FARP1: variants seen among roughly 807,000 people sequenced by gnomAD.
FARP1 encodes FERM, ARH/RhoGEF and pleckstrin domain protein 1, also known as FERM, ARHGEF and pleckstrin domain-containing protein 1.
In FARP1, 52 loss-of-function variants were observed where a neutral mutation model predicts 128.8. That is an observed-to-expected ratio of 0.40 (90% CI 0.32 to 0.51). The LOEUF is 0.51. FARP1 is among the 20% of genes least tolerant of loss of function. FARP1 has a pLI of 0.45. For missense variants in FARP1, 1,333 were observed against 1,367.9 expected, an observed-to-expected ratio of 0.97 and a Z score of 0.40; for synonymous variants, 580 against 551.8, an observed-to-expected ratio of 1.05 and a Z score of -0.72.
chr13:98,344,399 G>A (rs1457976452), intron 3 of FARP1, among the ~76,000 whole-genome samples: 1 of 152,142 alleles, frequency 6.6e-6, no homozygotes, highest in Non-Finnish European at 1.5e-5. Context: ...GAGTGGCTCA[G>A]TTTTCCAGCT....
At chr13:98,245,032 G>A in intron 2 of FARP1, 1 of 1,072,048 alleles carries the variant, frequency 9.3e-7, no homozygotes, top group Non-Finnish European at 1.1e-6. Flanking sequence ...TTAGACCAAA[G>A]AGAGGGATTT....
chr13:98,255,972 C>T (rs73555086), intron 2 of FARP1, among the ~76,000 whole-genome samples: 3,886 of 152,298 alleles, frequency 0.026, 164 homozygotes, highest in African/African-American at 0.089. Flanking sequence ...ACATTAGAAA[C>T]ACCAGTAAAC....
At chr13:98,236,060 G>C (rs1343261532) in intron 2 of FARP1, among the ~76,000 whole-genome samples, 1 of 152,140 alleles carries the variant, frequency 6.6e-6, no homozygotes, top group East Asian at 1.9e-4. Context: ...CCGACCTCAG[G>C]TGATCTGCCC....
At chr13:98,265,887 A>G (rs1884090500) in intron 2 of FARP1, among the ~76,000 whole-genome samples, 1 of 152,130 alleles carries the variant, frequency 6.6e-6, no homozygotes, top group African/African-American at 2.4e-5. Context: ...TCCATATGTC[A>G]AGCTGCATGT....
intron 2 of FARP1, among the ~76,000 whole-genome samples, chr13:98,240,740 A>G (rs1882719236): frequency 6.6e-6 from 1 of 152,232 alleles, no homozygotes; most frequent in East Asian, 1.9e-4. Context: ...CATACTGACA[A>G]ATAACACCTG....
In FARP1 at chr13:98,244,473, G is replaced by A. The variant is rs532734044; in HGVS notation, c.171+31060G>A. On this transcript the variant is annotated intron_variant, in intron 2 of 26. Transcript: ENST00000319562. ...GCGCCTTTTCAAGGGAGTAGCATTT[G>A]CTCTCCTCTCTTCCCAGATGGTGTC... 29 of 1,610,366 alleles carry A rather than the reference G, an allele frequency of 1.8e-5. 1 individual carries two copies. In the South Asian group the frequency reaches 3.1e-4, roughly 17 times the overall value.
At chr13:98,234,086 A>C (rs553404207) in intron 2 of FARP1, 14 of 152,370 alleles carry the variant, frequency 9.2e-5, no homozygotes, top group Admixed American at 6.5e-4. Flanking sequence ...GGACTGACTG[A>C]GCGTCAGCAT....
chr13:98,431,067 C>T lies in FARP1; in HGVS notation c.1930C>T (p.His644Tyr), dbSNP rs61730892. 0.038 allele frequency: 61,912 copies of T among 1,613,484 alleles called. 1,409 individuals are homozygous for T. Among genetic ancestry groups the T allele is most frequent in the Non-Finnish European group, 0.043 (50,854 of 1,179,472 alleles). The change falls in exon 18 of 27, where the codon CAC becomes TAC. Residue 644 changes from histidine (H) to tyrosine (Y), a missense_variant. By Grantham distance (83) the His-to-Tyr change is moderately conservative. This residue lies in a region of FARP1 where 1,009 missense variants were observed against 969.8 expected (regional missense o/e 1.04). Transcript: ENST00000319562. ...MKHLAAHLWK[H>Y]SEALEALENG... ...GCACCTGGCGGCTCACCTGTGGAAG[C>T]ACAGCGAGGCCTTGGAGGCCCTGGA...
chr13:98,315,353 C>A (rs1886674417), intron 2 of FARP1, among the ~76,000 whole-genome samples: 1 of 152,134 alleles, frequency 6.6e-6, no homozygotes, highest in Non-Finnish European at 1.5e-5. Context: ...CAATGCCCCG[C>A]CTCTGCCTCC....
chr13:98,307,845 CTT>C (rs1227135852), intron 2 of FARP1, among the ~76,000 whole-genome samples: 1 of 151,986 alleles, frequency 6.6e-6, no homozygotes, highest in Non-Finnish European at 1.5e-5. Context: ...TAATGTTACT[CTT>C]TTGGAAAAAA....
At chr13:98,153,286 AAATATATATAAATATAT>A (rs1876151610) in intron 1 of FARP1, among the ~76,000 whole-genome samples, 3 of 16,716 alleles carry the variant, frequency 1.8e-4, no homozygotes, top group Non-Finnish European at 6.5e-4. Flanking sequence ...TATATATATA[AAATATATATAAATATAT>A]TTATATATAA....
At chr13:98,359,972 T>C (rs1438310053) in intron 3 of FARP1, among the ~76,000 whole-genome samples, 2 of 152,146 alleles carry the variant, frequency 1.3e-5, no homozygotes, top group African/African-American at 4.8e-5. Context: ...AAGGCGGTAT[T>C]GCAGCTGAAT....
At chr13:98,446,450 A>G (rs966124253) in intron 25 of FARP1, 2 of 607,700 alleles carry the variant, frequency 3.3e-6, no homozygotes, top group Non-Finnish European at 5.8e-6. Context: ...TGGACAAGGG[A>G]CGGGGGTTGG....
At chr13:98,444,122 C>T (rs981738918) in intron 24 of FARP1, among the ~76,000 whole-genome samples, 4 of 151,780 alleles carry the variant, frequency 2.6e-5, no homozygotes, top group African/African-American at 7.3e-5. Flanking sequence ...GGGGGGTCCC[C>T]GACTCCACCC....
intron 16 of FARP1, among the ~76,000 whole-genome samples, chr13:98,416,439 C>T (rs1318748171): frequency 6.6e-6 from 1 of 152,174 alleles, no homozygotes; most frequent in Non-Finnish European, 1.5e-5. Context: ...GGCTGAAGCT[C>T]AGTTCAGCAA....
At position 98,176,457 on chromosome 13, in the gene FARP1, G is replaced by A. The variant is rs142469809; in HGVS notation, c.-24+32965G>A. ...TGACGACTGGGTTTTGGAAGGCCTG[G>A]CGACATATGAAACACCTGAATGGTA... On this transcript the variant is annotated intron_variant, in intron 1 of 26. Coordinates refer to ENST00000319562, the MANE Select transcript of FARP1 (RefSeq NM_005766.4). The surrounding 1 kb of genome is among the most constrained non-coding windows in gnomAD (Gnocchi z 6.2). The A allele has an allele frequency of 2.2e-5, 36 of 1,614,192 alleles. No homozygotes were observed. In the African/African-American group the frequency reaches 3.3e-4, roughly 15 times the overall value.
At chr13:98,221,481 T>C (rs1881409626) in intron 2 of FARP1, among the ~76,000 whole-genome samples, 1 of 152,182 alleles carries the variant, frequency 6.6e-6, no homozygotes, top group Admixed American at 6.5e-5. Flanking sequence ...CCAAGGGGCC[T>C]TTTGGAAGGT....
At chr13:98,445,779 G>A (rs9517307) in intron 24 of FARP1, 225,945 of 226,172 alleles carry the variant, frequency 1, 112,859 homozygotes, top group Middle Eastern at 1. Flanking sequence ...GTGTGATCTC[G>A]TCTTCACTAG....
At chr13:98,271,058 G>A (rs1884367462) in intron 2 of FARP1, among the ~76,000 whole-genome samples, 1 of 152,230 alleles carries the variant, frequency 6.6e-6, no homozygotes, top group Non-Finnish European at 1.5e-5. Context: ...TTTTGCTGAT[G>A]TCTCAATAAT....
Sources: allele counts gnomAD v4.1 joint callset (sites outside exome capture counted in the v4.1 genomes callset), GRCh38; gene constraint gnomAD v4.1.1; regional missense constraint gnomAD v4.1.1; non-coding constraint Gnocchi (gnomAD v3.1); transcripts MANE v1.5; gene names NCBI Gene and HGNC (gene_info 2026-07-23, HGNC 2026-07-21).